Variants in MBD5 observed in about 807,000 individuals in gnomAD.
MBD5 encodes methyl-CpG binding domain protein 5.
Under a neutral mutation model 117.3 loss-of-function variants are expected in MBD5, and 13 were observed. The ratio of observed to expected loss-of-function variants is 0.11; its 90% CI spans 0.07 to 0.18. The LOEUF (loss-of-function observed/expected upper bound fraction) is 0.18, where lower values mean the gene tolerates loss of function less well. Ranked by LOEUF, MBD5 falls within the 10% of genes least tolerant of loss-of-function variation. The probability of loss-of-function intolerance (pLI) is 1.00; values close to 1 mark genes in which losing one functional copy is unlikely to be tolerated. For synonymous variants in MBD5, 727 were observed against 766.4 expected (o/e 0.95, Z 0.85); for missense variants, 1,879 against 2,093.8 (o/e 0.90, Z 2.00).
At chr2:148,410,676 C>G (rs996836766) in intron 4 of MBD5, among the ~76,000 whole-genome samples, 1 of 152,158 alleles carries the variant, frequency 6.6e-6, no homozygotes, top group African/African-American at 2.4e-5. Flanking sequence ...AAGTGATTCA[C>G]CTGCCTCGTC....
intron 3 of MBD5, among the ~76,000 whole-genome samples, chr2:148,307,662 T>C (rs1356697749): frequency 1.3e-5 from 2 of 152,206 alleles, no homozygotes; most frequent in African/African-American, 4.8e-5. Context: ...TTTATTATAC[T>C]TTAAGTTCTG....
At position 148,023,063 on chromosome 2, in the gene MBD5, C is replaced by T. The variant is rs569585616; in HGVS notation, c.-925+1379C>T. On this transcript the variant is annotated intron_variant, in intron 1 of 13. Transcript: ENST00000642680. The stretch of plus-strand genomic sequence containing the variant: ...ACATGCATATACACACACTCTCTTT[C>T]GCTCGCTCTCTCTCCCTCACACCCT... 1.1e-4 allele frequency among the ~76,000 whole-genome samples: 16 copies of T among 150,562 alleles called. No homozygotes were observed. In the East Asian group the frequency reaches 2.5e-3, roughly 24 times the overall value.
chr2:148,312,099 A>G (rs61587331), intron 3 of MBD5, among the ~76,000 whole-genome samples: 14,919 of 151,830 alleles, frequency 0.098, 1,103 homozygotes, highest in African/African-American at 0.2. Context: ...CTTCATTTCA[A>G]CCTTGGTGAA....
chr2:148,351,439 C>T (rs1574322672), intron 4 of MBD5, among the ~76,000 whole-genome samples: 1 of 152,016 alleles, frequency 6.6e-6, no homozygotes, highest in Non-Finnish European at 1.5e-5. Flanking sequence ...GGAATCAGTA[C>T]ATCATCTCTT....
At chr2:148,228,074 C>G (rs78318329) in intron 2 of MBD5, among the ~76,000 whole-genome samples, 21,798 of 152,178 alleles carry the variant, frequency 0.14, 1,787 homozygotes, top group African/African-American at 0.18. Context: ...GATTTGACTT[C>G]CTCTTTTCCT....
chr2:148,125,824 T>C (rs1180027158), intron 1 of MBD5, among the ~76,000 whole-genome samples: 1 of 152,230 alleles, frequency 6.6e-6, no homozygotes, highest in Non-Finnish European at 1.5e-5. Context: ...TCAATAAATA[T>C]TGAAAGAATG....
intron 4 of MBD5, among the ~76,000 whole-genome samples, chr2:148,386,597 T>C (rs969994918): frequency 1.3e-5 from 2 of 149,756 alleles, no homozygotes; most frequent in African/African-American, 4.9e-5. Context: ...CGGGCGCCTG[T>C]AGTCCCAGCT....
At chr2:148,056,439 A>G (rs1694866007) in intron 1 of MBD5, among the ~76,000 whole-genome samples, 1 of 152,076 alleles carries the variant, frequency 6.6e-6, no homozygotes, top group South Asian at 2.1e-4. Context: ...TGTTACCTTT[A>G]ATTATTACTC....
intron 1 of MBD5, among the ~76,000 whole-genome samples, chr2:148,151,411 G>T (rs1232472584): frequency 2.0e-5 from 3 of 151,982 alleles, no homozygotes; most frequent in Non-Finnish European, 4.4e-5. Flanking sequence ...CTCTTTTTTG[G>T]TTGTGTCTCT....
intron 1 of MBD5, among the ~76,000 whole-genome samples, chr2:148,065,888 T>C (rs939055054): frequency 5.3e-5 from 8 of 152,160 alleles, no homozygotes; most frequent in Admixed American, 2.0e-4. Context: ...TGATGTGTAG[T>C]TAATAAGACA....
intron 2 of MBD5, among the ~76,000 whole-genome samples, chr2:148,222,485 ATTAAG>A (rs1001449051): frequency 6.6e-6 from 1 of 151,944 alleles, no homozygotes; most frequent in Non-Finnish European, 1.5e-5. Flanking sequence ...CACTTCTTTC[ATTAAG>A]TTAATTCCTA....
chr2:148,448,651 G>C (rs1706637171), intron 4 of MBD5, among the ~76,000 whole-genome samples: 1 of 151,932 alleles, frequency 6.6e-6, no homozygotes, highest in Admixed American at 6.6e-5. Context: ...TATTTTTATA[G>C]TAAAAGTGTA....
intron 1 of MBD5, among the ~76,000 whole-genome samples, chr2:148,150,472 G>C (rs939139500): frequency 1.3e-5 from 2 of 152,066 alleles, no homozygotes; most frequent in African/African-American, 4.8e-5. Context: ...TTCCAATTCT[G>C]TGAAGAAAGT....
intron 4 of MBD5, among the ~76,000 whole-genome samples, chr2:148,361,034 G>A (rs1012784922): frequency 1.3e-5 from 2 of 151,826 alleles, no homozygotes; most frequent in Admixed American, 1.3e-4. Context: ...TTTTTATTGA[G>A]AAGAAAAATA....
chr2:148,102,466 T>G (rs1321240830), intron 1 of MBD5, among the ~76,000 whole-genome samples: 1 of 152,108 alleles, frequency 6.6e-6, no homozygotes, highest in Non-Finnish European at 1.5e-5. Context: ...GTAGCTTGTC[T>G]GTTACACAGC....
rs541061591 is a variant in MBD5 at position 148,158,949 on chromosome 2, C to T, written c.-924-19751C>T. Among the ~76,000 whole-genome samples, 9 of 152,330 alleles carry T rather than the reference C, an allele frequency of 5.9e-5. No homozygotes were observed. In the South Asian group the frequency reaches 6.2e-4, roughly 11 times the overall value. On this transcript the variant is annotated intron_variant, in intron 1 of 13. Coordinates refer to ENST00000642680, the MANE Select transcript of MBD5 (RefSeq NM_001378120.1). ...GTGTTAGCCAGGATGGTCTCGATCT[C>T]CTGACCTTGTGATCTGCCCGCCTTG...
intron 1 of MBD5, among the ~76,000 whole-genome samples, chr2:148,156,786 T>C (rs1272246204): frequency 1.3e-5 from 2 of 152,208 alleles, no homozygotes; most frequent in African/African-American, 2.4e-5. Context: ...TTATAGGAAA[T>C]AACATAAACT....
rs184052430 is a variant in MBD5 at position 148,398,623 on chromosome 2, G to A, written c.-557+56287G>A. Among the ~76,000 whole-genome samples, 437 of 152,194 alleles carry A rather than the reference G, an allele frequency of 2.9e-3. 2 individuals carry two copies. The highest frequency in any genetic ancestry group is 6.5e-3 in the Admixed American group (100 of 15,302). On this transcript the variant is annotated intron_variant, in intron 4 of 13. Coordinates refer to ENST00000642680, the MANE Select transcript of MBD5 (RefSeq NM_001378120.1). Reference sequence around the variant, plus strand: ...AGGTTGCCTGTTCACTCTGATGGTAGTTTCTTTTGCTGTGCACAAGCTCTT... The same window carrying A: ...AGGTTGCCTGTTCACTCTGATGGTAATTTCTTTTGCTGTGCACAAGCTCTT...
intron 4 of MBD5, among the ~76,000 whole-genome samples, chr2:148,414,931 C>G (rs1009939062): frequency 6.6e-6 from 1 of 152,068 alleles, no homozygotes; most frequent in Non-Finnish European, 1.5e-5. Context: ...TGCTCTGTGC[C>G]TTTTAATTGG....
Sources: gnomAD v4.1 joint callset for allele counts (sites outside exome capture counted in the v4.1 genomes callset) on GRCh38, gnomAD v4.1.1 for gene constraint, MANE v1.5 for transcripts, NCBI Gene and HGNC (gene_info 2026-07-23, HGNC 2026-07-21) for gene names.